Variants in SGCZ observed in about 807,000 individuals in gnomAD.
SGCZ encodes the protein sarcoglycan zeta.
SGCZ carries 40 observed loss-of-function variants against 41.3 expected under a neutral mutation model. That is an observed-to-expected ratio of 0.97 (90% CI 0.75 to 1.26). The LOEUF is 1.26. Among genes scored for constraint, SGCZ ranks in the 50% most tolerant of loss-of-function variants. The pLI, the probability that SGCZ is intolerant of heterozygous loss-of-function variation, is 0.00. For missense variants in SGCZ, 552 were observed against 369.8 expected, an observed-to-expected ratio of 1.49 and a Z score of -4.04; for synonymous variants, 206 against 137.5, an observed-to-expected ratio of 1.50 and a Z score of -3.49.
At chr8:14,959,557 G>A (rs1266362574) in intron 1 of SGCZ, among the ~76,000 whole-genome samples, 1 of 152,084 alleles carries the variant, frequency 6.6e-6, no homozygotes, top group Non-Finnish European at 1.5e-5. Context: ...AATAGCTAAT[G>A]CAGAATATCT....
intron 4 of SGCZ, among the ~76,000 whole-genome samples, chr8:14,196,461 C>T (rs899059160): frequency 6.6e-6 from 1 of 151,662 alleles, no homozygotes. Flanking sequence ...ATTTTTCAGC[C>T]ACTGTGAAAA....
intron 2 of SGCZ, among the ~76,000 whole-genome samples, chr8:14,379,411 T>C (rs1312413515): frequency 6.6e-6 from 1 of 152,076 alleles, no homozygotes; most frequent in Non-Finnish European, 1.5e-5. Flanking sequence ...TAGTTAGAAA[T>C]AATAGGAAAT....
At chr8:15,156,936 C>G (rs1166914878) in intron 1 of SGCZ, among the ~76,000 whole-genome samples, 1 of 141,678 alleles carries the variant, frequency 7.1e-6, no homozygotes, top group East Asian at 2.1e-4. Context: ...AAGAGGGAAA[C>G]TCTGTCTCAA....
chr8:14,931,720 T>G (rs1470640454), intron 1 of SGCZ, among the ~76,000 whole-genome samples: 1 of 152,244 alleles, frequency 6.6e-6, no homozygotes, highest in South Asian at 2.1e-4. Context: ...ACATTCTTTC[T>G]TCTAACATTA....
chr8:14,286,349 T>G (rs1163351402), intron 3 of SGCZ, among the ~76,000 whole-genome samples: 1 of 152,132 alleles, frequency 6.6e-6, no homozygotes, highest in African/African-American at 2.4e-5. Flanking sequence ...ACAAACAAAC[T>G]CACCATTCAT....
At chr8:15,224,827 A>C (rs1358891402) in intron 1 of SGCZ, among the ~76,000 whole-genome samples, 3 of 152,174 alleles carry the variant, frequency 2.0e-5, no homozygotes, top group Admixed American at 6.5e-5. Flanking sequence ...AATCAGACAA[A>C]ATAAACTTTA....
At chr8:14,726,404 G>C (rs952685010) in intron 1 of SGCZ, among the ~76,000 whole-genome samples, 2 of 146,448 alleles carry the variant, frequency 1.4e-5, no homozygotes, top group Admixed American at 6.9e-5. Context: ...AAGTTACACA[G>C]GAAGATTAAA....
intron 2 of SGCZ, among the ~76,000 whole-genome samples, chr8:14,528,832 A>AAC (rs766394037): frequency 0.028 from 2,699 of 97,616 alleles, 84 homozygotes; most frequent in East Asian, 0.15. Flanking sequence ...CCAGCCAAAA[A>AAC]AAAAACAAAA....
intron 1 of SGCZ, among the ~76,000 whole-genome samples, chr8:14,563,075 T>C (rs192473824): frequency 2.3e-3 from 344 of 152,260 alleles, no homozygotes; most frequent in Non-Finnish European, 4.2e-3. Flanking sequence ...AAACTGAAGA[T>C]AGCTGTGCTA....
chr8:14,305,884 C>T (rs1300204033), intron 3 of SGCZ, among the ~76,000 whole-genome samples: 2 of 152,124 alleles, frequency 1.3e-5, no homozygotes, highest in Non-Finnish European at 2.9e-5. Context: ...TCTCTATTGC[C>T]GCTGGGCACC....
At chr8:14,927,180 C>A (rs1163039407) in intron 1 of SGCZ, among the ~76,000 whole-genome samples, 1 of 139,228 alleles carries the variant, frequency 7.2e-6, no homozygotes, top group Non-Finnish European at 1.5e-5. Flanking sequence ...GCGATCTCGG[C>A]TCACTGCAAG....
intron 2 of SGCZ, among the ~76,000 whole-genome samples, chr8:14,390,509 G>A (rs1461641320): frequency 4.0e-5 from 6 of 151,528 alleles, no homozygotes; most frequent in African/African-American, 1.5e-4. Context: ...AATTCCATAA[G>A]GAACATGAAA....
chr8:14,188,797 GT>G (rs765052122), intron 4 of SGCZ, among the ~76,000 whole-genome samples: 41 of 134,214 alleles, frequency 3.1e-4, no homozygotes, highest in South Asian at 2.7e-3. Flanking sequence ...CAGATTTCTT[GT>G]TTTTTTTTTG....
At chr8:14,296,956 T>C (rs1174541215) in intron 3 of SGCZ, among the ~76,000 whole-genome samples, 1 of 152,138 alleles carries the variant, frequency 6.6e-6, no homozygotes, top group Non-Finnish European at 1.5e-5. Flanking sequence ...ATTTTCGCTC[T>C]TGTTGCCCAA....
chr8:14,994,651 C>G (rs1054926016), intron 1 of SGCZ, among the ~76,000 whole-genome samples: 2 of 151,572 alleles, frequency 1.3e-5, no homozygotes, highest in African/African-American at 4.9e-5. Flanking sequence ...AGATTAGGGG[C>G]GTGTGTGTAT....
intron 2 of SGCZ, among the ~76,000 whole-genome samples, chr8:14,346,191 G>A (rs1280005081): frequency 6.6e-6 from 1 of 151,930 alleles, no homozygotes; most frequent in African/African-American, 2.4e-5. Flanking sequence ...GGAGAAACTG[G>A]GGTTGTGGAG....
intron 1 of SGCZ, among the ~76,000 whole-genome samples, chr8:15,215,945 G>T (rs375905779): frequency 1.4e-3 from 211 of 152,288 alleles, no homozygotes; most frequent in South Asian, 8.9e-3. Flanking sequence ...CATTCTGTTT[G>T]AATATTGGAA....
intron 1 of SGCZ, among the ~76,000 whole-genome samples, chr8:15,116,388 C>T (rs1451703972): frequency 2.0e-5 from 3 of 152,142 alleles, no homozygotes; most frequent in Non-Finnish European, 2.9e-5. Flanking sequence ...TAAGATAATA[C>T]TTTACTATTC....
intron 1 of SGCZ, among the ~76,000 whole-genome samples, chr8:15,176,802 C>T (rs1800012974): frequency 6.6e-6 from 1 of 152,148 alleles, no homozygotes; most frequent in Admixed American, 6.5e-5. Context: ...GAGATCGAGA[C>T]CATCCTGGCT....
Sources: allele counts gnomAD v4.1 joint callset (sites outside exome capture counted in the v4.1 genomes callset), GRCh38; gene constraint gnomAD v4.1.1; transcripts MANE v1.5; gene names NCBI Gene and HGNC (gene_info 2026-07-23, HGNC 2026-07-21).